The following ANO1 variants were observed in gnomAD, a reference collection of about 807,000 sequenced individuals.
The protein encoded by ANO1 is anoctamin 1.
In ANO1, 59 loss-of-function variants were observed where a neutral mutation model predicts 124.0. The observed-to-expected ratio is 0.48, with a 90% CI of 0.39 to 0.59. The LOEUF (loss-of-function observed/expected upper bound fraction) is 0.59. ANO1 is among the 20% of genes least tolerant of loss of function. The pLI is 0.00. For missense variants in ANO1, 1,059 were observed against 1,328.0 expected (o/e 0.80, Z 3.15); for synonymous variants, 529 against 532.0 (o/e 0.99, Z 0.08).
In ANO1 at chr11:70,124,389, A is replaced by T; in HGVS notation, c.937A>T (p.Lys313Ter). 6.2e-7 allele frequency: 1 copy of T among 1,613,846 alleles called. No homozygotes were observed. The highest frequency in any genetic ancestry group is 8.5e-7 in the Non-Finnish European group (1 of 1,179,884). ...GTGGGCACGCTATGGAGTTTTCTATAAGTACCAGCCCATCGACCTGGTCAG... is the reference window on the plus strand; with the variant it reads ...GTGGGCACGCTATGGAGTTTTCTATTAGTACCAGCCCATCGACCTGGTCAG... ...EEWARYGVFYKYQPIDLVRKY... is the reference protein window; with the variant it reads ...EEWARYGVFY Residue 313 changes from lysine to a stop codon, truncating the protein, a stop_gained, in exon 9 of 26, where the codon AAG (lysine) becomes TAG (stop). Coordinates refer to ENST00000355303, the MANE Select transcript of ANO1 (RefSeq NM_018043.7). LOFTEE classifies it high-confidence loss of function.
rs2049269270 is a variant in ANO1 at position 70,189,231 on chromosome 11, T to TA, written c.*1230dup. On this transcript the variant is annotated 3_prime_UTR_variant, in exon 26 of 26. Coordinates refer to ENST00000355303, the MANE Select transcript of ANO1 (RefSeq NM_018043.7). Reference sequence around the variant, plus strand: ...CAAAGGCCAGGAGGAAAAATAGAAATAAATTTGTCTTGAAGATCTCATTGA... The same window carrying TA: ...CAAAGGCCAGGAGGAAAAATAGAAATAAAATTTGTCTTGAAGATCTCATTGA... 6.6e-6 allele frequency: 1 copy of TA among 152,562 alleles called. No individual in the cohort carries two copies. The highest frequency in any genetic ancestry group is 1.9e-4 in the East Asian group (1 of 5,186). The allele number at this position is 152,562 out of a possible 1,614,324, so 9.5% of individuals were successfully genotyped here.
At chr11:69,986,255 G>A (rs1373345524) in intron 1 of ANO1, 1 of 152,316 alleles carries the variant, frequency 6.6e-6, no homozygotes. Context: ...GCTTGCGGAG[G>A]ACTCAGGGGC....
At chr11:70,023,345 C>T (rs1236861228) in intron 1 of ANO1, among the ~76,000 whole-genome samples, 1 of 152,188 alleles carries the variant, frequency 6.6e-6, no homozygotes, top group Non-Finnish European at 1.5e-5. Context: ...TCAGTCTCTG[C>T]CCTCCAGAGC....
chr11:70,114,396 C>G (rs55770394), intron 7 of ANO1, among the ~76,000 whole-genome samples: 17,363 of 152,300 alleles, frequency 0.11, 1,072 homozygotes, highest in South Asian at 0.26. Context: ...TGGTTCTGGC[C>G]TGAGCCGCGT....
chr11:70,024,658 C>T (rs182212849), intron 1 of ANO1, among the ~76,000 whole-genome samples: 2 of 152,168 alleles, frequency 1.3e-5, no homozygotes, highest in African/African-American at 4.8e-5. Context: ...GCTCAGAGAC[C>T]TTGATTTTGA....
At chr11:70,159,401 C>T (rs892063287) in intron 16 of ANO1, among the ~76,000 whole-genome samples, 19 of 152,164 alleles carry the variant, frequency 1.2e-4, no homozygotes, top group African/African-American at 4.6e-4. Flanking sequence ...CTCAGCAAGG[C>T]GGGATGGTAG....
chr11:70,077,867 T>C (rs2044082572), upstream of ANO1, among the ~76,000 whole-genome samples: 1 of 152,118 alleles, frequency 6.6e-6, no homozygotes, highest in Non-Finnish European at 1.5e-5. Context: ...GGGAGATGAC[T>C]GCCCCGGGAG....
intron 24 of ANO1, among the ~76,000 whole-genome samples, chr11:70,183,765 C>T (rs935665739): frequency 5.9e-5 from 9 of 152,206 alleles, no homozygotes; most frequent in Non-Finnish European, 1.5e-5. Flanking sequence ...TGAATAGGCC[C>T]TCGGAGACTC....
chr11:70,188,030 A>T lies in ANO1; in HGVS notation c.*26A>T. ...CTATGCCAGCGGGGCTGGGCAGGCC[A>T]GCCGGGCATCCTGACCGATGGGCAC... On this transcript the variant is annotated 3_prime_UTR_variant, in exon 26 of 26. Coordinates refer to ENST00000355303, the MANE Select transcript of ANO1 (RefSeq NM_018043.7). 3.2e-6 allele frequency: 5 copies of T among 1,543,368 alleles called. No individual in the cohort carries two copies. The highest frequency in any genetic ancestry group is 4.4e-6 in the Non-Finnish European group (5 of 1,144,764).
chr11:70,040,949 TC>T (rs1165479375), intron 1 of ANO1, among the ~76,000 whole-genome samples: 12 of 152,180 alleles, frequency 7.9e-5, no homozygotes, highest in Non-Finnish European at 1.8e-4. Flanking sequence ...TTTCTAAGCA[TC>T]ATAGCTCGAG....
rs76876745 is a variant in ANO1, at chr11:70,177,244, A to T, written c.2351-2760A>T. Among the ~76,000 whole-genome samples the T allele has an allele frequency of 4.8e-3, 725 of 152,332 alleles. 9 individuals are homozygous for T. Among genetic ancestry groups the T allele is most frequent in the African/African-American group, 0.017 (702 of 41,578 alleles). On this transcript the variant is annotated intron_variant, in intron 22 of 25. Transcript: ENST00000355303. ...CTCCACCCCAGGCCCACCGCACCTC[A>T]GCACCCCACTTCGGAGGTCTCAAAC...
intron 8 of ANO1, among the ~76,000 whole-genome samples, chr11:70,119,486 C>T (rs1181688477): frequency 7.5e-6 from 1 of 133,806 alleles, no homozygotes; most frequent in East Asian, 2.4e-4. Context: ...ATGATGGATG[C>T]TGGAGGAATG....
chr11:70,109,694 G>A (rs568728434), intron 6 of ANO1, among the ~76,000 whole-genome samples: 9 of 152,300 alleles, frequency 5.9e-5, no homozygotes, highest in African/African-American at 1.7e-4. Context: ...CTTGGACCTC[G>A]GTTTCCCCCC....
intron 1 of ANO1, among the ~76,000 whole-genome samples, chr11:70,023,718 G>T (rs1856844065): frequency 1.3e-5 from 2 of 152,162 alleles, no homozygotes; most frequent in African/African-American, 4.8e-5. Context: ...TCAGTAGATG[G>T]TTAAACAATA....
intron 2 of ANO1, among the ~76,000 whole-genome samples, chr11:70,094,297 G>A (rs760171343): frequency 6.6e-6 from 1 of 152,192 alleles, no homozygotes; most frequent in Non-Finnish European, 1.5e-5. Flanking sequence ...CTCAGGACAG[G>A]GAAGGGCAGC....
At chr11:70,117,950 C>A (rs2509143) in intron 8 of ANO1, among the ~76,000 whole-genome samples, 16 of 152,286 alleles carry the variant, frequency 1.1e-4, no homozygotes, top group Middle Eastern at 3.4e-3. Flanking sequence ...CATCTGGCAT[C>A]GTCTGGGACC....
At chr11:70,107,273 G>A (rs921830294) in intron 5 of ANO1, among the ~76,000 whole-genome samples, 3 of 152,162 alleles carry the variant, frequency 2.0e-5, no homozygotes, top group Non-Finnish European at 4.4e-5. Context: ...CAGGTGGGGA[G>A]AGGCAAGCTG....
chr11:70,164,323 A>G (rs1445414830), intron 19 of ANO1, among the ~76,000 whole-genome samples: 1 of 152,226 alleles, frequency 6.6e-6, no homozygotes, highest in Non-Finnish European at 1.5e-5. Flanking sequence ...CATCAGGTAC[A>G]GGATTATCTG....
chr11:70,110,866 C>T (rs915094096), intron 6 of ANO1, among the ~76,000 whole-genome samples: 2 of 152,246 alleles, frequency 1.3e-5, no homozygotes, highest in East Asian at 1.9e-4. Flanking sequence ...CCTGGCTTTC[C>T]GGTCCTCTCT....
Sources: gnomAD v4.1 joint callset for allele counts (sites outside exome capture counted in the v4.1 genomes callset) on GRCh38, gnomAD v4.1.1 for gene constraint, MANE v1.5 for transcripts, NCBI Gene and HGNC (gene_info 2026-07-23, HGNC 2026-07-21) for gene names.